FXN: variants seen among roughly 807,000 people sequenced by gnomAD.
The protein encoded by FXN is frataxin, also known as frataxin, mitochondrial.
A neutral mutation model predicts 22.4 loss-of-function variants in FXN; 14 were observed. The observed-to-expected ratio is 0.62, with a 90% CI of 0.41 to 0.98. FXN has a LOEUF of 0.98. FXN is among the 50% of genes least tolerant of loss of function. The pLI, the probability that FXN is intolerant of heterozygous loss-of-function variation, is 0.00. For missense variants in FXN, 267 were observed against 268.4 expected, an observed-to-expected ratio of 0.99 and a Z score of 0.04; for synonymous variants, 120 against 114.1, an observed-to-expected ratio of 1.05 and a Z score of -0.33.
At chr9:69,051,901 G>T (rs552620561) in intron 2 of FXN, among the ~76,000 whole-genome samples, 2 of 152,302 alleles carry the variant, frequency 1.3e-5, no homozygotes, top group African/African-American at 4.8e-5. Context: ...AGGCTGGAGT[G>T]CAGTGGTGCC....
chr9:69,074,743 G>GAA lies in FXN; in HGVS notation c.*1989_*1990dup, dbSNP rs11432103. The GAA allele has an allele frequency of 2.7e-3, 2,290 of 835,042 alleles. No individual in the cohort carries two copies. The highest frequency in any genetic ancestry group is 6.0e-3 in the East Asian group (47 of 7,828). 51.7% of individuals were successfully genotyped at this position (835,042 alleles called of 1,614,324 possible). ...AGCAAGATCCTATCTCTTAAAAAAA[G>GAA]AAAAAAAAACCTATTAATAATAAAA... On this transcript the variant is annotated 3_prime_UTR_variant, in exon 5 of 5. Coordinates refer to ENST00000484259, the MANE Select transcript of FXN (RefSeq NM_000144.5).
intron 1 of FXN, among the ~76,000 whole-genome samples, chr9:69,041,452 TG>T (rs906956564): frequency 1.3e-4 from 20 of 152,342 alleles, no homozygotes; most frequent in Admixed American, 1.2e-3. Flanking sequence ...AGTGTTCTGT[TG>T]TTACGATGGT....
In FXN at chr9:69,073,739, A is replaced by G. The variant is rs2133140790; in HGVS notation, c.*977A>G. On this transcript the variant is annotated 3_prime_UTR_variant, in exon 5 of 5. Transcript: ENST00000484259. Reference sequence around the variant, plus strand: ...GAATAGAGTATGGTTGATTCCCAGCATTCAGTGGTCCTGTCAAGCAACCTA... The same window carrying G: ...GAATAGAGTATGGTTGATTCCCAGCGTTCAGTGGTCCTGTCAAGCAACCTA... 1 of 985,396 alleles carries G rather than the reference A, an allele frequency of 1.0e-6. No homozygotes were observed. Among genetic ancestry groups the G allele is most frequent in the East Asian group, 1.1e-4 (1 of 8,812 alleles). The allele number at this position is 985,396 out of a possible 1,614,324, so 61.0% of individuals were successfully genotyped here. A position where few individuals can be genotyped will look rare whatever the true frequency, so the allele number is the denominator to read the frequency against.
intron 3 of FXN, among the ~76,000 whole-genome samples, chr9:69,053,894 TC>T (rs1831907103): frequency 1.3e-5 from 2 of 152,194 alleles, no homozygotes; most frequent in South Asian, 4.1e-4. Flanking sequence ...CTAATGTGTA[TC>T]CCTAGGTCTT....
chr9:69,077,999 A>G lies in FXN; in HGVS notation c.*5237A>G, dbSNP rs542786671. On this transcript the variant is annotated 3_prime_UTR_variant, in exon 5 of 5. Coordinates refer to ENST00000484259, the MANE Select transcript of FXN (RefSeq NM_000144.5). ...CTAAATTATATAGAAAAATAAGACA[A>G]TATCATTTCCCAATTACATTCCTTT... 3.0e-6 allele frequency: 3 copies of G among 985,332 alleles called. No individual in the cohort carries two copies. The African/African-American group carries it at 5.2e-5, about 17-fold the overall frequency. 61.0% of individuals were successfully genotyped at this position (985,332 alleles called of 1,614,324 possible). A position where few individuals can be genotyped will look rare whatever the true frequency, so the allele number is the denominator to read the frequency against.
chr9:69,076,875 G>A lies in FXN; in HGVS notation c.*4113G>A, dbSNP rs1010607705. ...TTGAAATTTCATGTAAATTTATGCT[G>A]TTCAAAACGACGAGTTCATGACTTT... On this transcript the variant is annotated 3_prime_UTR_variant, in exon 5 of 5. Coordinates refer to ENST00000484259, the MANE Select transcript of FXN (RefSeq NM_000144.5). 5 of 985,334 alleles carry A rather than the reference G, an allele frequency of 5.1e-6. No homozygotes were observed. The Admixed American group carries it at 1.8e-4, about 36-fold the overall frequency. The allele number at this position is 985,334 out of a possible 1,614,324, so 61.0% of individuals were successfully genotyped here. A position where few individuals can be genotyped will look rare whatever the true frequency, so the allele number is the denominator to read the frequency against.
At chr9:69,041,123 T>A (rs1442225790) in intron 1 of FXN, among the ~76,000 whole-genome samples, 1 of 152,208 alleles carries the variant, frequency 6.6e-6, no homozygotes, top group Non-Finnish European at 1.5e-5. Context: ...GAGGCCCTTG[T>A]CTTCACCCCA....
intron 1 of FXN, chr9:69,043,639 A>C (rs970706985): frequency 5.3e-5 from 8 of 152,268 alleles, no homozygotes; most frequent in Non-Finnish European, 1.2e-4. Context: ...GCTGGAGTGC[A>C]ATGGTGCGAT....
intron 4 of FXN, among the ~76,000 whole-genome samples, chr9:69,070,728 T>C (rs920677879): frequency 1.3e-5 from 2 of 151,616 alleles, no homozygotes; most frequent in African/African-American, 4.9e-5. Flanking sequence ...AAAAAAATTT[T>C]GTTTTTTTTT....
intron 1 of FXN, among the ~76,000 whole-genome samples, chr9:69,037,304 AAAT>A (rs1831577066): frequency 6.8e-6 from 1 of 148,052 alleles, no homozygotes; most frequent in African/African-American, 2.5e-5. Flanking sequence ...AAGAAGAAGA[AAAT>A]AAAGAAAAGT....
intron 2 of FXN, among the ~76,000 whole-genome samples, chr9:69,051,913 C>T (rs924177959): frequency 3.3e-5 from 5 of 150,772 alleles, no homozygotes; most frequent in African/African-American, 1.2e-4. Context: ...AGTGGTGCCA[C>T]CTCAGCTCAC....
Position 69,075,495 on chromosome 9 carries a change from A to T in FXN, c.*2733A>T. On this transcript the variant is annotated 3_prime_UTR_variant, in exon 5 of 5. Transcript: ENST00000484259. Reference sequence around the variant, plus strand: ...ATAAATAAATAAAGGGACTTCAAACACATGAACAGCAGCCAGGGGAAGAAT... The same window carrying T: ...ATAAATAAATAAAGGGACTTCAAACTCATGAACAGCAGCCAGGGGAAGAAT... 1.0e-6 allele frequency: 1 copy of T among 984,110 alleles called. No homozygotes were observed. The allele number at this position is 984,110 out of a possible 1,614,324, so 61.0% of individuals were successfully genotyped here. A position where few individuals can be genotyped will look rare whatever the true frequency, so the allele number is the denominator to read the frequency against.
At position 69,035,926 on chromosome 9, in the gene FXN, G is replaced by T. The variant is rs960947438; in HGVS notation, c.144G>T (p.Ala48=). 7.4e-6 allele frequency: 11 copies of T among 1,477,470 alleles called. No individual in the cohort carries two copies. The highest frequency in any genetic ancestry group is 2.9e-5 in the East Asian group (1 of 34,490). 91.5% of individuals were successfully genotyped at this position (1,477,470 alleles called of 1,614,324 possible). A position where few individuals can be genotyped will look rare whatever the true frequency, so the allele number is the denominator to read the frequency against. The part of the protein sequence containing the change: ...GRRGLRTDID[A]TCTPRRASSN... Reference sequence around the variant, plus strand: ...GTGGCCTGCGCACCGACATCGATGCGACCTGCACGCCCCGCCGCGCAGTAA... The same window carrying T: ...GTGGCCTGCGCACCGACATCGATGCTACCTGCACGCCCCGCCGCGCAGTAA... Residue 48 remains alanine (A), a synonymous_variant, in exon 1 of 5, where the codon GCG becomes GCT. Transcript: ENST00000484259.
intron 2 of FXN, among the ~76,000 whole-genome samples, chr9:69,047,562 T>A (rs927950707): frequency 3.3e-5 from 5 of 152,136 alleles, no homozygotes; most frequent in Non-Finnish European, 7.4e-5. Context: ...TGTCTGTTAT[T>A]TTCCTTGGCC....
intron 1 of FXN, among the ~76,000 whole-genome samples, chr9:69,037,341 C>T (rs574703184): frequency 6.8e-6 from 1 of 148,062 alleles, no homozygotes; most frequent in East Asian, 1.9e-4. Context: ...TGTCGCGCGC[C>T]TGTAATCCCA....
rs1832371412 is a variant in FXN at position 69,076,465 on chromosome 9, C to T, written c.*3703C>T. The T allele has an allele frequency of 2.0e-6, 2 of 985,430 alleles. No homozygotes were observed. The highest frequency in any genetic ancestry group is 9.4e-5 in the South Asian group (2 of 21,292). The allele number at this position is 985,430 out of a possible 1,614,324, so 61.0% of individuals were successfully genotyped here. A position where few individuals can be genotyped will look rare whatever the true frequency, so the allele number is the denominator to read the frequency against. On this transcript the variant is annotated 3_prime_UTR_variant, in exon 5 of 5. Coordinates refer to ENST00000484259, the MANE Select transcript of FXN (RefSeq NM_000144.5). ...CGTATTAGATTCTGATTCCCTGGAA[C>T]CATTTATCGTGTGCCTTACCATGCT... is the stretch of plus-strand genomic sequence containing the variant.
intron 1 of FXN, among the ~76,000 whole-genome samples, chr9:69,041,033 T>C (rs1831648592): frequency 6.6e-6 from 1 of 152,212 alleles, no homozygotes. Context: ...TATTTTGTTA[T>C]AACATCCCAG....
At chr9:69,047,141 A>G (rs1230303859) in intron 2 of FXN, among the ~76,000 whole-genome samples, 1 of 152,144 alleles carries the variant, frequency 6.6e-6, no homozygotes, top group East Asian at 1.9e-4. Context: ...GCACGGCTAC[A>G]GTCTACCCCC....
chr9:69,042,778 G>T (rs1224665278), intron 1 of FXN, among the ~76,000 whole-genome samples: 1 of 152,182 alleles, frequency 6.6e-6, no homozygotes, highest in Non-Finnish European at 1.5e-5. Flanking sequence ...ATCCTGGAGA[G>T]ATGGAAACTT....
Sources: gnomAD v4.1 joint callset for allele counts (sites outside exome capture counted in the v4.1 genomes callset) on GRCh38, gnomAD v4.1.1 for gene constraint, MANE v1.5 for transcripts, NCBI Gene and HGNC (gene_info 2026-07-23, HGNC 2026-07-21) for gene names.